CAPN11: variants seen among roughly 807,000 people sequenced by gnomAD.
CAPN11 encodes the protein calpain-11.
A neutral mutation model predicts 105.3 loss-of-function variants in CAPN11; 108 were observed. The ratio of observed to expected loss-of-function variants is 1.03; its 90% CI spans 0.88 to 1.20. CAPN11 has a LOEUF of 1.20. CAPN11 is among the 50% of genes most tolerant of loss of function. CAPN11 has a pLI of 0.00. For missense variants in CAPN11, 883 were observed against 924.8 expected (o/e 0.95, Z 0.59); for synonymous variants, 329 against 344.5 (o/e 0.96, Z 0.50).
intron 1 of CAPN11, among the ~76,000 whole-genome samples, chr6:44,163,528 C>T (rs1338537927): frequency 6.6e-6 from 1 of 152,146 alleles, no homozygotes; most frequent in African/African-American, 2.4e-5. Flanking sequence ...CTAATGCCCA[C>T]CGAGTCTGAG....
chr6:44,183,682 C>G (rs1458016426), intron 21 of CAPN11, 23 bp from the exon 22 acceptor site: 1 of 1,612,154 alleles, frequency 6.2e-7, no homozygotes, highest in African/African-American at 1.3e-5. Flanking sequence ...CAGCCCCTCT[C>G]CCCCGCTTCC....
intron 1 of CAPN11, 124 bp from the exon 2 acceptor site, chr6:44,166,634 T>C (rs1315953375): frequency 4.2e-6 from 3 of 714,370 alleles, no homozygotes; most frequent in African/African-American, 3.5e-5. Flanking sequence ...GCCCTCCCTG[T>C]AGCTGCGCCC....
In CAPN11 at chr6:44,183,770, G is replaced by A. The variant is rs1230651481; in HGVS notation, c.2193+7G>A. The A allele has an allele frequency of 1.9e-6, 3 of 1,613,386 alleles. No homozygotes were observed. The highest frequency in any genetic ancestry group is 2.7e-5 in the African/African-American group (2 of 75,014). On this transcript the variant is annotated splice_region_variant and intron_variant, in intron 22 of 22. Transcript: ENST00000398776. The stretch of plus-strand genomic sequence containing the variant: ...TTGCTTGAGCCTGGAACAGGTACTT[G>A]GAGAAGGGTGGGAAGGAATCTGCAG...
chr6:44,165,516 A>G (rs2128293757), intron 1 of CAPN11, among the ~76,000 whole-genome samples: 1 of 152,266 alleles, frequency 6.6e-6, no homozygotes, highest in East Asian at 1.9e-4. Flanking sequence ...TGTGTGGAGG[A>G]GGACAGGAGA....
intron 2 of CAPN11, chr6:44,169,042 C>T: frequency 3.7e-6 from 2 of 545,024 alleles, no homozygotes; most frequent in South Asian, 3.1e-5. Flanking sequence ...GTGATCCTCC[C>T]ATTTCAGCCT....
chr6:44,169,586 C>T (rs1770614704), intron 3 of CAPN11, 55 bp downstream of exon 3: 1 of 1,451,122 alleles, frequency 6.9e-7, no homozygotes, highest in African/African-American at 1.4e-5. Flanking sequence ...TTGTAGTGAT[C>T]CCTCTATCAC....
At position 44,180,820 on chromosome 6, in the gene CAPN11, C is replaced by T. The variant is rs1773015967; in HGVS notation, c.1804+15C>T. Reference sequence around the variant, plus strand: ...GGCCATCAAATGTGAGTCTTCCACTCCTGCTGCACACGACCCCTCCCCCAT... The same window carrying T: ...GGCCATCAAATGTGAGTCTTCCACTTCTGCTGCACACGACCCCTCCCCCAT... On this transcript the variant is annotated intron_variant, in intron 17 of 22. Transcript: ENST00000398776. 6.2e-7 allele frequency: 1 copy of T among 1,612,900 alleles called. No individual in the cohort carries two copies. Among genetic ancestry groups the T allele is most frequent in the Non-Finnish European group, 8.5e-7 (1 of 1,179,136 alleles).
chr6:44,173,447 G>C (rs777627112), intron 7 of CAPN11, 61 bp downstream of exon 7: 9 of 1,128,814 alleles, frequency 8.0e-6, no homozygotes, highest in African/African-American at 4.6e-5. Flanking sequence ...CACCCAAAAG[G>C]CTCTTCCCCC....
chr6:44,177,078 C>A, intron 11 of CAPN11, 80 bp downstream of exon 11: 1 of 1,524,432 alleles, frequency 6.6e-7, no homozygotes, highest in Admixed American at 1.7e-5. Flanking sequence ...AGACCTGGGG[C>A]ACGAGTCACC....
chr6:44,162,767 C>T (rs894837032), intron 1 of CAPN11, among the ~76,000 whole-genome samples: 2 of 152,094 alleles, frequency 1.3e-5, no homozygotes, highest in Non-Finnish European at 1.5e-5. Context: ...GGGGAGGAAT[C>T]GCATGGGAGG....
At chr6:44,175,200 C>T (rs796657195) in intron 7 of CAPN11, among the ~76,000 whole-genome samples, 7 of 152,296 alleles carry the variant, frequency 4.6e-5, no homozygotes, top group African/African-American at 1.7e-4. Flanking sequence ...GCATTCTGGG[C>T]TGGGCACGGT....
chr6:44,176,981 GCTGCAGGAACCACC>G lies in CAPN11; in HGVS notation c.1224_1237del (p.Cys408TrpfsTer10), dbSNP rs1561849032. On this transcript the variant is annotated frameshift_variant, in exon 11 of 23. Coordinates refer to ENST00000398776, the MANE Select transcript of CAPN11 (RefSeq NM_007058.4). LOFTEE classifies it high-confidence loss of function. ...TGGCGCAGAGGCAGCTCCGCAGGGGGCTGCAGGAACCACCCTGGTGGGTGAGGGGTGAGAGGGGA... is the reference window on the plus strand; with the variant it reads ...TGGCGCAGAGGCAGCTCCGCAGGGGGCTGGTGGGTGAGGGGTGAGAGGGGA... 1.2e-6 allele frequency: 2 copies of G among 1,613,330 alleles called. No individual in the cohort carries two copies. Among genetic ancestry groups the G allele is most frequent in the South Asian group, 2.2e-5 (2 of 91,080 alleles).
At chr6:44,179,756 C>T in intron 13 of CAPN11, 126 bp downstream of exon 13, 2 of 1,090,406 alleles carry the variant, frequency 1.8e-6, no homozygotes, top group Non-Finnish European at 2.8e-6. Flanking sequence ...AGGATTCCAG[C>T]CCTCTTCAGG....
chr6:44,182,576 C>A (rs1773958670), intron 19 of CAPN11, among the ~76,000 whole-genome samples: 1 of 152,022 alleles, frequency 6.6e-6, no homozygotes, highest in African/African-American at 2.4e-5. Flanking sequence ...CTGCTGTGAG[C>A]CAACTGTCCT....
rs1770675191 is a variant in CAPN11, at chr6:44,169,886, C to G, written c.340-20C>G. 6.3e-7 allele frequency: 1 copy of G among 1,596,004 alleles called. No homozygotes were observed. The highest frequency in any genetic ancestry group is 1.3e-5 in the African/African-American group (1 of 74,726). On this transcript the variant is annotated intron_variant, in intron 3 of 22. Transcript: ENST00000398776. ...AGGGGGTGTCCTGGGCCCCCTGAAA[C>G]CTTTATTCCTTCACTGCAGGATATC...
chr6:44,166,643 C>A, intron 1 of CAPN11, 115 bp from the exon 2 acceptor site: 3 of 775,624 alleles, frequency 3.9e-6, no homozygotes, highest in Non-Finnish European at 4.4e-6. Context: ...GTAGCTGCGC[C>A]CCAACCCAGT....
chr6:44,183,424 C>T (rs1774115941), intron 21 of CAPN11, among the ~76,000 whole-genome samples, 189 bp downstream of exon 21: 1 of 152,202 alleles, frequency 6.6e-6, no homozygotes, highest in Non-Finnish European at 1.5e-5. Context: ...CTTTCTGTGC[C>T]TCCATTCCCT....
Position 44,179,995 on chromosome 6 carries a change from C to T in CAPN11, c.1472C>T (p.Thr491Met), listed in dbSNP as rs772128584. Residue 491 changes from threonine (T) to methionine (M), a missense_variant, in exon 14 of 23, where the codon ACG (threonine) becomes ATG (methionine). Coordinates refer to ENST00000398776, the MANE Select transcript of CAPN11 (RefSeq NM_007058.4). ...GTCCACTTGAAGAAGGAATTCTTCA[C>T]GAAGTATCAGGACCACGGCTTCTCA... is the stretch of plus-strand genomic sequence containing the variant. ...QDVHLKKEFFTKYQDHGFSEI... is the reference protein window; with the variant it reads ...QDVHLKKEFFMKYQDHGFSEI... 10 of 1,613,618 alleles carry T rather than the reference C, an allele frequency of 6.2e-6. No homozygotes were observed. Among genetic ancestry groups the T allele is most frequent in the South Asian group, 4.4e-5 (4 of 91,084 alleles).
chr6:44,162,534 C>A (rs551246731), intron 1 of CAPN11, among the ~76,000 whole-genome samples: 44 of 152,072 alleles, frequency 2.9e-4, no homozygotes, highest in Non-Finnish European at 5.4e-4. Flanking sequence ...GAGGAGAACT[C>A]CCAGACTCTG....
Sources: allele counts gnomAD v4.1 joint callset (sites outside exome capture counted in the v4.1 genomes callset), GRCh38; gene constraint gnomAD v4.1.1; transcripts MANE v1.5; gene names NCBI Gene and HGNC (gene_info 2026-07-23, HGNC 2026-07-21).